The following ZNF841 variants were observed in gnomAD, a reference collection of about 807,000 sequenced individuals.
The protein encoded by ZNF841 is zinc finger protein 841.
In ZNF841, 11 loss-of-function variants were observed where a neutral mutation model predicts 13.0. That is an observed-to-expected ratio of 0.85 (90% CI 0.53 to 1.40). The LOEUF is 1.40. Among genes scored for constraint, ZNF841 ranks in the 40% most tolerant of loss-of-function variants. The pLI, the probability that ZNF841 is intolerant of heterozygous loss-of-function variation, is 0.00. For synonymous variants in ZNF841, 369 were observed against 381.6 expected (o/e 0.97, Z 0.38); for missense variants, 1,068 against 1,139.5 (o/e 0.94, Z 0.90).
chr19:52,072,737 T>G (rs2087774953), intron 6 of ZNF841, among the ~76,000 whole-genome samples: 1 of 152,094 alleles, frequency 6.6e-6, no homozygotes, highest in Non-Finnish European at 1.5e-5. Context: ...GAGAATCGCT[T>G]GAACCCAGGA....
chr19:52,078,443 T>C (rs1175992007), intron 4 of ZNF841, among the ~76,000 whole-genome samples: 1 of 152,140 alleles, frequency 6.6e-6, no homozygotes, highest in Non-Finnish European at 1.5e-5. Context: ...AAAGTTTTTA[T>C]AATCCCAGCA....
At chr19:52,082,207 T>C (rs2088123378) in intron 4 of ZNF841, among the ~76,000 whole-genome samples, 1 of 152,160 alleles carries the variant, frequency 6.6e-6, no homozygotes, top group Non-Finnish European at 1.5e-5. Context: ...TAGGAAGATG[T>C]GATGGTGACA....
intron 6 of ZNF841, among the ~76,000 whole-genome samples, chr19:52,072,168 T>C (rs1044370595): frequency 1.3e-5 from 2 of 152,204 alleles, no homozygotes; most frequent in African/African-American, 4.8e-5. Context: ...TGTGCCTATA[T>C]AGAGATCCTC....
the ZNF841 span, chr19:52,059,125 G>A: frequency 1.3e-5 from 2 of 152,492 alleles, no homozygotes; most frequent in Admixed American, 6.6e-5. Flanking sequence ...AGGCCGAGGT[G>A]GGCAGAGCAC....
Position 52,066,381 on chromosome 19 carries a change from C to G in ZNF841, c.1501G>C (p.Ala501Pro). 6.2e-7 allele frequency: 1 copy of G among 1,613,930 alleles called. No homozygotes were observed. Residue 501 changes from alanine to proline, a missense_variant, in exon 7 of 7, where the codon GCA becomes CCA. Transcript: ENST00000594440. The part of the protein sequence containing the change: ...GKVFSQHSHL[A>P]VHQRVHTGEK... ...CCAGTATGAACTCTCTGATGCACTG[C>G]AAGATGTGAATGTTGACTGAAGACC...
chr19:52,078,953 T>C (rs1414093727), intron 4 of ZNF841, among the ~76,000 whole-genome samples: 1 of 152,198 alleles, frequency 6.6e-6, no homozygotes, highest in Non-Finnish European at 1.5e-5. Context: ...CTCAATGACA[T>C]ATTTTTTGGA....
chr19:52,072,454 C>T (rs555452919), intron 6 of ZNF841, among the ~76,000 whole-genome samples: 1 of 152,260 alleles, frequency 6.6e-6, no homozygotes, highest in South Asian at 2.1e-4. Flanking sequence ...TTTTTAAAGA[C>T]TAAAATCGTA....
chr19:52,089,802 C>A (rs2088412134), intron 2 of ZNF841, among the ~76,000 whole-genome samples: 1 of 152,188 alleles, frequency 6.6e-6, no homozygotes, highest in Non-Finnish European at 1.5e-5. Flanking sequence ...CATGGCTCAT[C>A]TGAAGGCCCA....
chr19:52,066,745 C>T lies in ZNF841; in HGVS notation c.1137G>A (p.Gly379=). ...GAGAGGAACTTTGACTAAAGCACTT[C>T]CCACATCGATTACATTTGTAAGGTT... The part of the protein sequence containing the change: ...GEKPYKCNRC[G]KCFSQSSSLA... Residue 379 remains glycine, a synonymous_variant, in exon 7 of 7, where the codon GGG becomes GGA. Coordinates refer to ENST00000594440, the MANE Select transcript of ZNF841 (RefSeq NM_001136499.2). 1 of 1,609,878 alleles carries T rather than the reference C, an allele frequency of 6.2e-7. No individual in the cohort carries two copies. The highest frequency in any genetic ancestry group is 1.1e-5 in the South Asian group (1 of 90,626).
chr19:52,073,226 T>A (rs8101936), intron 6 of ZNF841, among the ~76,000 whole-genome samples: 46,972 of 151,990 alleles, frequency 0.31, 7,706 homozygotes, highest in South Asian at 0.59. Context: ...TTACATTAAG[T>A]CTTCAAGCTA....
chr19:52,062,927 G>A (rs1483657650), downstream of ZNF841, among the ~76,000 whole-genome samples: 1 of 147,084 alleles, frequency 6.8e-6, no homozygotes, highest in Non-Finnish European at 1.5e-5. Context: ...CCAGGCTGGA[G>A]TGCAGTGGTG....
At chr19:52,084,104 T>C (rs947214725) in intron 4 of ZNF841, among the ~76,000 whole-genome samples, 11 of 152,064 alleles carry the variant, frequency 7.2e-5, no homozygotes, top group African/African-American at 2.7e-4. Flanking sequence ...TATAACCGTT[T>C]TACAAAAAAC....
chr19:52,084,736 G>A lies in ZNF841; in HGVS notation c.15+51C>T, dbSNP rs963853363. ...AGAAGATTTGCAGCTCCAATGCCCT[G>A]CATTTCAAAAAGGGAGGAGACAGAA... On this transcript the variant is annotated intron_variant, in intron 4 of 6. Coordinates refer to ENST00000594440, the MANE Select transcript of ZNF841 (RefSeq NM_001136499.2). The A allele has an allele frequency of 1.7e-5, 27 of 1,602,104 alleles. No individual in the cohort carries two copies. The East Asian group carries it at 5.8e-4, about 34-fold the overall frequency.
rs375870632 is a variant in ZNF841 at position 52,066,845 on chromosome 19, A to G, written c.1037T>C (p.Ile346Thr). The change falls in exon 7 of 7, where the codon ATA becomes ACA. Residue 346 changes from isoleucine (I) to threonine (T), a missense_variant. Ile to Thr is a moderately conservative substitution (Grantham distance 89). Coordinates refer to ENST00000594440, the MANE Select transcript of ZNF841 (RefSeq NM_001136499.2). ...AAAGGACTTGCCACATTCATTACAT[A>G]TGTAGGGTTTGTCTCCAGTGTGACT... ...RRSHTGDKPY[I>T]CNECGKSFSK... 17 of 1,613,988 alleles carry G rather than the reference A, an allele frequency of 1.1e-5. No homozygotes were observed. In the Admixed American group the frequency reaches 1.7e-4, roughly 16 times the overall value.
chr19:52,092,167 G>A (rs886608260), intron 2 of ZNF841, among the ~76,000 whole-genome samples: 5 of 152,118 alleles, frequency 3.3e-5, no homozygotes, highest in Non-Finnish European at 7.4e-5. Flanking sequence ...GAGGGGCAAA[G>A]CTCCTGCACA....
Position 52,076,939 on chromosome 19 carries a change from G to A in ZNF841, c.142+19C>T. The stretch of plus-strand genomic sequence containing the variant: ...TGCACAAGGGAAGATCCTAACTTCT[G>A]GAGGAAAACTATCCTCACCCAGGAA... On this transcript the variant is annotated intron_variant, in intron 5 of 6. Transcript: ENST00000594440. 1 of 1,610,252 alleles carries A rather than the reference G, an allele frequency of 6.2e-7. No individual in the cohort carries two copies. The highest frequency in any genetic ancestry group is 8.5e-7 in the Non-Finnish European group (1 of 1,177,562).
Position 52,065,289 on chromosome 19 carries a change from T to G in ZNF841, c.2593A>C (p.Thr865Pro). The change falls in exon 7 of 7, where the codon ACT becomes CCT. Residue 865 changes from threonine (T) to proline (P), a missense_variant. By Grantham distance (38) the Thr-to-Pro change is conservative. Transcript: ENST00000594440. ...CTAGAATGAATTCGTTGGTGTTTAG[T>G]GAGGCAAGACCGCCGCCCAAACGCC... is the stretch of plus-strand genomic sequence containing the variant. ...GKAFGRRSCL[T>P]KHQRIHSSEK... 1 of 1,613,716 alleles carries G rather than the reference T, an allele frequency of 6.2e-7. No homozygotes were observed. Among genetic ancestry groups the G allele is most frequent in the Non-Finnish European group, 8.5e-7 (1 of 1,179,770 alleles).
downstream of ZNF841, among the ~76,000 whole-genome samples, chr19:52,064,215 G>A (rs889222756): frequency 6.6e-6 from 1 of 151,556 alleles, no homozygotes; most frequent in Admixed American, 6.6e-5. Flanking sequence ...GCGCGGTGGC[G>A]AGCGCCTGTA....
chr19:52,068,633 G>A (rs1359939541), intron 6 of ZNF841, among the ~76,000 whole-genome samples: 6 of 148,862 alleles, frequency 4.0e-5, no homozygotes, highest in South Asian at 2.1e-4. Context: ...CCAAGATTTC[G>A]CCACTGCACT....
Sources: gnomAD v4.1 joint callset for allele counts (sites outside exome capture counted in the v4.1 genomes callset) on GRCh38, gnomAD v4.1.1 for gene constraint, MANE v1.5 for transcripts, NCBI Gene and HGNC (gene_info 2026-07-23, HGNC 2026-07-21) for gene names.